MICAL2: variants seen among roughly 807,000 people sequenced by gnomAD.
MICAL2 encodes microtubule associated monooxygenase, calponin and LIM domain containing 2.
Under a neutral mutation model 127.3 loss-of-function variants are expected in MICAL2, and 77 were observed. That is an observed-to-expected ratio of 0.60 (90% CI 0.50 to 0.73). The LOEUF is 0.73. Among genes scored for constraint, MICAL2 ranks in the 30% least tolerant of loss-of-function variants. The pLI is 0.00. For missense variants in MICAL2, 1,351 were observed against 1,434.4 expected (o/e 0.94, Z 0.94); for synonymous variants, 570 against 551.1 (o/e 1.03, Z -0.48).
intron 1 of MICAL2, among the ~76,000 whole-genome samples, chr11:12,136,646 G>A (rs369679647): frequency 1.2e-4 from 18 of 152,186 alleles, no homozygotes; most frequent in East Asian, 3.9e-4. Context: ...AAGGCCAGAA[G>A]GTATTGGGCT....
Position 12,298,408 on chromosome 11 carries a change from C to G in MICAL2, c.5212+3551C>G, listed in dbSNP as rs529608956. Among the ~76,000 whole-genome samples the G allele has an allele frequency of 5.9e-5, 9 of 152,196 alleles. No individual in the cohort carries two copies. The South Asian group carries it at 1.9e-3, about 32-fold the overall frequency. On this transcript the variant is annotated intron_variant, in intron 29 of 34. Transcript: ENST00000646065. The stretch of plus-strand genomic sequence containing the variant: ...TTCAATGGATTCCCCTGAGTTCCCC[C>G]CATATATACAATCATAACACCTGCA...
Position 12,208,159 on chromosome 11 carries a change from T to G in MICAL2, c.589+20T>G, listed in dbSNP as rs1320343922. 1 of 1,575,264 alleles carries G rather than the reference T, an allele frequency of 6.3e-7. No individual in the cohort carries two copies. The highest frequency in any genetic ancestry group is 1.7e-5 in the Admixed American group (1 of 59,836). On this transcript the variant is annotated intron_variant, in intron 5 of 27. Coordinates refer to ENST00000683283, the MANE Select transcript of MICAL2 (RefSeq NM_001282663.2). ...ATCAAAGTACAGTATAATTTTCTTT[T>G]TCTGCCTAGAAAGCAGATACTACAA...
At chr11:12,319,280 A>G (rs959929172) in intron 29 of MICAL2, among the ~76,000 whole-genome samples, 1 of 152,140 alleles carries the variant, frequency 6.6e-6, no homozygotes, top group African/African-American at 2.4e-5. Context: ...ACTTTTTTGC[A>G]TTCAATTACT....
chr11:12,280,442 G>A (rs1233873843), intron 1 of MICAL2, among the ~76,000 whole-genome samples: 4 of 152,200 alleles, frequency 2.6e-5, no homozygotes, highest in Non-Finnish European at 4.4e-5. Context: ...CAACAGAAAC[G>A]TATTTTCTCA....
chr11:12,281,554 G>A (rs925520046), intron 2 of MICAL2, among the ~76,000 whole-genome samples: 1 of 152,180 alleles, frequency 6.6e-6, no homozygotes, highest in Non-Finnish European at 1.5e-5. Context: ...GCACAGCACC[G>A]GGGCCATTAC....
intron 8 of MICAL2, among the ~76,000 whole-genome samples, chr11:12,218,568 C>G (rs1856462632): frequency 6.6e-6 from 1 of 152,164 alleles, no homozygotes; most frequent in Non-Finnish European, 1.5e-5. Context: ...GAGACCTCTC[C>G]CTTCTCTCTT....
chr11:12,181,169 C>T (rs556308233), intron 3 of MICAL2, among the ~76,000 whole-genome samples: 22 of 152,272 alleles, frequency 1.4e-4, no homozygotes, highest in African/African-American at 4.8e-4. Flanking sequence ...GTCTCAAACT[C>T]CTGACCTCAG....
intron 2 of MICAL2, among the ~76,000 whole-genome samples, chr11:12,150,909 G>A (rs1036982859): frequency 6.6e-6 from 1 of 152,186 alleles, no homozygotes; most frequent in Admixed American, 6.5e-5. Flanking sequence ...TAGAGCTTGA[G>A]GTGGTAGGAG....
At chr11:12,174,752 A>G (rs141039662) in intron 3 of MICAL2, among the ~76,000 whole-genome samples, 11 of 152,240 alleles carry the variant, frequency 7.2e-5, no homozygotes, top group African/African-American at 2.2e-4. Flanking sequence ...GGAACCACCA[A>G]ACTGTTTCCA....
At chr11:12,160,565 C>T (rs1471555341) in intron 2 of MICAL2, among the ~76,000 whole-genome samples, 1 of 152,236 alleles carries the variant, frequency 6.6e-6, no homozygotes, top group Non-Finnish European at 1.5e-5. Flanking sequence ...TCCACACTCA[C>T]ATCCCTGTGT....
chr11:12,181,910 G>A (rs1026765243), intron 3 of MICAL2, among the ~76,000 whole-genome samples: 11 of 152,138 alleles, frequency 7.2e-5, no homozygotes, highest in Non-Finnish European at 2.9e-5. Context: ...ACCTCTAACT[G>A]AAACGTAATA....
chr11:12,182,113 C>A (rs1390737998), intron 3 of MICAL2, among the ~76,000 whole-genome samples: 3 of 152,256 alleles, frequency 2.0e-5, no homozygotes, highest in South Asian at 4.2e-4. Flanking sequence ...AGGTGTTAGA[C>A]CTACAACTAG....
chr11:12,255,536 A>T lies in MICAL2; in HGVS notation c.2848-107A>T, dbSNP rs1862210865. The stretch of plus-strand genomic sequence containing the variant: ...TCCTGGGTCGTGGGGTGCTATTTGC[A>T]TGTGGGTGAGGAGCCCTCTCCCCAT... On this transcript the variant is annotated intron_variant, in intron 22 of 27. Coordinates refer to ENST00000683283, the MANE Select transcript of MICAL2 (RefSeq NM_001282663.2). 6.5e-6 allele frequency: 6 copies of T among 928,908 alleles called. No individual in the cohort carries two copies. The South Asian group carries it at 7.4e-5, about 11-fold the overall frequency. The allele number at this position is 928,908 out of a possible 1,614,324, so 57.5% of individuals were successfully genotyped here.
At chr11:12,122,009 A>G (rs1005590303) in intron 1 of MICAL2, among the ~76,000 whole-genome samples, 1 of 152,180 alleles carries the variant, frequency 6.6e-6, no homozygotes, top group Non-Finnish European at 1.5e-5. Context: ...TGATTTGTTC[A>G]CTGATTGATA....
chr11:12,282,113 G>A (rs4757335), intron 2 of MICAL2, among the ~76,000 whole-genome samples: 45,933 of 151,998 alleles, frequency 0.3, 7,931 homozygotes, highest in East Asian at 0.7. Flanking sequence ...GGGCTGGGGC[G>A]GAAAGAACTC....
intron 26 of MICAL2, chr11:12,260,319 C>A (rs370747072): frequency 7.0e-7 from 1 of 1,418,776 alleles, no homozygotes; most frequent in African/African-American, 1.4e-5. Context: ...GGGCCACCTC[C>A]GCCTGGCCTT....
In MICAL2 at chr11:12,220,081, A is replaced by G. The variant is rs115691075; in HGVS notation, c.949-120A>G. On this transcript the variant is annotated intron_variant, in intron 8 of 27. Transcript: ENST00000683283. ...TTATTCCCTTGGTCCTGGTTTTTAT[A>G]TGTCTTTTCTGACTAGCCTCACTGT... 6,666 of 1,179,226 alleles carry G rather than the reference A, an allele frequency of 5.7e-3. 49 individuals carry two copies. The highest frequency in any genetic ancestry group is 0.02 in the African/African-American group (1,353 of 66,120). The allele number at this position is 1,179,226 out of a possible 1,614,324, so 73.0% of individuals were successfully genotyped here.
At position 12,244,308 on chromosome 11, in the gene MICAL2, AG is replaced by A. The variant is rs534547027; in HGVS notation, c.2784+197del. Among the ~76,000 whole-genome samples the A allele has an allele frequency of 7.9e-5, 12 of 152,332 alleles. No homozygotes were observed. The South Asian group carries it at 2.5e-3, about 32-fold the overall frequency. On this transcript the variant is annotated intron_variant, in intron 21 of 27. Transcript: ENST00000683283. ...CACGGCAGAACAGGCAGTGTACAAA[AG>A]CTTGCCAAACAGGGCTCATTCATTC... is the stretch of plus-strand genomic sequence containing the variant.
At chr11:12,239,683 T>A in intron 17 of MICAL2, 98 bp downstream of exon 17, 1 of 1,432,134 alleles carries the variant, frequency 7.0e-7, no homozygotes, top group Non-Finnish European at 9.4e-7. Flanking sequence ...CAGCCAGGCC[T>A]GGTCCCAAGG....
Sources: allele counts gnomAD v4.1 joint callset (sites outside exome capture counted in the v4.1 genomes callset), GRCh38; gene constraint gnomAD v4.1.1; transcripts MANE v1.5; gene names NCBI Gene and HGNC (gene_info 2026-07-23, HGNC 2026-07-21).